The following EEA1 variants were observed in gnomAD, a reference collection of about 807,000 sequenced individuals.
The protein encoded by EEA1 is early endosome antigen 1, also known as early endosome antigen 1, 162kD.
A neutral mutation model predicts 209.2 loss-of-function variants in EEA1; 111 were observed. The observed-to-expected ratio is 0.53, with a 90% CI of 0.45 to 0.62. The LOEUF (loss-of-function observed/expected upper bound fraction) is 0.62. Ranked by LOEUF, EEA1 falls within the 20% of genes least tolerant of loss-of-function variation. The probability of loss-of-function intolerance (pLI) is 0.00; values close to 1 mark genes in which losing one functional copy is unlikely to be tolerated. For synonymous variants in EEA1, 536 were observed against 540.6 expected (o/e 0.99, Z 0.12); for missense variants, 1,343 against 1,530.8 (o/e 0.88, Z 2.05).
At chr12:92,927,427 C>T (rs1334896700) in intron 1 of EEA1, among the ~76,000 whole-genome samples, 2 of 152,218 alleles carry the variant, frequency 1.3e-5, no homozygotes, top group Non-Finnish European at 2.9e-5. Flanking sequence ...TCAACAGAAG[C>T]TTCTTTAACA....
intron 9 of EEA1, among the ~76,000 whole-genome samples, chr12:92,850,499 G>A (rs1054511541): frequency 3.3e-5 from 5 of 151,962 alleles, no homozygotes; most frequent in Admixed American, 2.0e-4. Flanking sequence ...AGACCAGCCT[G>A]GCCAACATGG....
rs1873445834 is a variant in EEA1, at chr12:92,771,935, T to C, written c.*4076A>G. On this transcript the variant is annotated 3_prime_UTR_variant, in exon 29 of 29. Transcript: ENST00000322349. ...ATATGCTGTACATAAACTGGAATTC[T>C]ATAAAGCTCACAAAGTAACATGTCT... 6.6e-6 allele frequency: 1 copy of C among 152,008 alleles called. No homozygotes were observed. Among genetic ancestry groups the C allele is most frequent in the Non-Finnish European group, 1.5e-5 (1 of 67,912 alleles). The allele number at this position is 152,008 out of a possible 1,614,324, so 9.4% of individuals were successfully genotyped here.
Position 92,876,588 on chromosome 12 carries a change from T to A in EEA1, c.118-11601A>T, listed in dbSNP as rs144882443. On this transcript the variant is annotated intron_variant, in intron 2 of 28. Transcript: ENST00000322349. ...CACCTTGATCTTGGACTTCTCATAC[T>A]CTAGAACTATGAGAAATAAATTTCT... 2.5e-4 allele frequency among the ~76,000 whole-genome samples: 38 copies of A among 152,192 alleles called. No individual in the cohort carries two copies. The East Asian group carries it at 6.8e-3, about 27-fold the overall frequency.
chr12:92,889,018 G>A (rs1160260727), intron 2 of EEA1, among the ~76,000 whole-genome samples: 1 of 151,988 alleles, frequency 6.6e-6, no homozygotes, highest in Non-Finnish European at 1.5e-5. Context: ...AGGGTGTGGT[G>A]GCACGTGCCT....
chr12:92,892,776 C>A (rs111412784), intron 1 of EEA1, among the ~76,000 whole-genome samples: 2,818 of 152,110 alleles, frequency 0.019, 95 homozygotes, highest in African/African-American at 0.063. Flanking sequence ...CAGGCACATG[C>A]CACCATGTGC....
At chr12:92,828,995 T>C (rs1251482744) in intron 11 of EEA1, among the ~76,000 whole-genome samples, 2 of 152,218 alleles carry the variant, frequency 1.3e-5, no homozygotes, top group African/African-American at 4.8e-5. Flanking sequence ...TCCCATAATA[T>C]ACAGAATCCT....
intron 10 of EEA1, among the ~76,000 whole-genome samples, chr12:92,835,113 C>T (rs1484004158): frequency 6.6e-6 from 1 of 151,934 alleles, no homozygotes; most frequent in Non-Finnish European, 1.5e-5. Context: ...GATCTCCTGA[C>T]CTCATGATCC....
At chr12:92,894,162 C>A (rs1280585313) in intron 1 of EEA1, among the ~76,000 whole-genome samples, 3 of 152,076 alleles carry the variant, frequency 2.0e-5, no homozygotes, top group Non-Finnish European at 4.4e-5. Context: ...GCACTACAAC[C>A]CATACCCATA....
chr12:92,876,230 T>A (rs1180939402), intron 2 of EEA1, among the ~76,000 whole-genome samples: 1 of 151,654 alleles, frequency 6.6e-6, no homozygotes, highest in Non-Finnish European at 1.5e-5. Context: ...ATGCCACCAC[T>A]CCTGGCTAAT....
At chr12:92,884,331 G>A (rs1879289047) in intron 2 of EEA1, 10 of 1,290,860 alleles carry the variant, frequency 7.7e-6, no homozygotes, top group Non-Finnish European at 1.0e-5. Context: ...GAGATGGCTA[G>A]GGCTTTATCC....
chr12:92,925,368 C>T (rs571849309), intron 1 of EEA1, among the ~76,000 whole-genome samples: 2 of 152,120 alleles, frequency 1.3e-5, no homozygotes, highest in Admixed American at 6.6e-5. Flanking sequence ...GCGTGCACCA[C>T]GATGCCCGGC....
intron 1 of EEA1, among the ~76,000 whole-genome samples, chr12:92,916,973 CAACTGGAAGAA>C (rs1565863228): frequency 1.3e-5 from 2 of 151,636 alleles, no homozygotes; most frequent in South Asian, 4.2e-4. Context: ...CCGACGCGAT[CAACTGGAAGAA>C]AGGGTGTCAG....
At chr12:92,818,669 G>C (rs1308009456) in intron 14 of EEA1, among the ~76,000 whole-genome samples, 1 of 151,950 alleles carries the variant, frequency 6.6e-6, no homozygotes, top group Admixed American at 6.6e-5. Context: ...CTGATACTTT[G>C]TTTTAAATAT....
chr12:92,792,500 C>A (rs112857305), intron 21 of EEA1, among the ~76,000 whole-genome samples: 1 of 152,128 alleles, frequency 6.6e-6, no homozygotes, highest in African/African-American at 2.4e-5. Context: ...ACTATAAACA[C>A]CTCTACACAA....
intron 28 of EEA1, 150 bp from the exon 29 acceptor site, chr12:92,776,283 C>CTTAA (rs1420620397): frequency 1.4e-6 from 1 of 691,038 alleles, no homozygotes; most frequent in Non-Finnish European, 2.2e-6. Flanking sequence ...AATATGTTAA[C>CTTAA]TTAATCTCTG....
chr12:92,881,108 C>T (rs1465710649), intron 2 of EEA1, among the ~76,000 whole-genome samples: 1 of 152,098 alleles, frequency 6.6e-6, no homozygotes, highest in East Asian at 1.9e-4. Context: ...ATCTGACTGG[C>T]TTTTTAGAAA....
At chr12:92,834,065 A>T (rs143990647) in intron 10 of EEA1, among the ~76,000 whole-genome samples, 2 of 152,154 alleles carry the variant, frequency 1.3e-5, no homozygotes, top group Non-Finnish European at 2.9e-5. Context: ...AACAAGTTTC[A>T]GGTGGGGTGA....
chr12:92,792,270 G>T (rs1874439313), intron 21 of EEA1, among the ~76,000 whole-genome samples: 1 of 151,964 alleles, frequency 6.6e-6, no homozygotes, highest in South Asian at 2.1e-4. Context: ...AAATAACTAA[G>T]ATCAGAGCAG....
intron 14 of EEA1, among the ~76,000 whole-genome samples, chr12:92,816,687 CT>C (rs1875801745): frequency 1.3e-5 from 2 of 152,164 alleles, no homozygotes; most frequent in African/African-American, 4.8e-5. Context: ...AATGCATACA[CT>C]TATTTAACTA....
Sources: gnomAD v4.1 joint callset for allele counts (sites outside exome capture counted in the v4.1 genomes callset) on GRCh38, gnomAD v4.1.1 for gene constraint, MANE v1.5 for transcripts, NCBI Gene and HGNC (gene_info 2026-07-23, HGNC 2026-07-21) for gene names.